Variants in SI observed in about 807,000 individuals in gnomAD.
SI encodes sucrase-isomaltase, intestinal.
A neutral mutation model predicts 253.3 loss-of-function variants in SI; 235 were observed. The ratio of observed to expected loss-of-function variants is 0.93; its 90% CI spans 0.83 to 1.03. The LOEUF (loss-of-function observed/expected upper bound fraction) is 1.03. Among genes scored for constraint, SI ranks in the 50% least tolerant of loss-of-function variants. SI has a pLI of 0.00. For missense variants in SI, 2,442 were observed against 2,211.1 expected (o/e 1.10, Z -2.09); for synonymous variants, 819 against 712.0 (o/e 1.15, Z -2.39).
intron 44 of SI, among the ~76,000 whole-genome samples, chr3:164,990,366 G>T (rs1291528649): frequency 6.6e-6 from 1 of 152,012 alleles, no homozygotes; most frequent in South Asian, 2.1e-4. Flanking sequence ...CAAAATATAA[G>T]ACATTAAGTT....
rs1454111510 is a variant in SI, at chr3:164,979,212, C to T, written c.*150G>A. On this transcript the variant is annotated 3_prime_UTR_variant, in exon 48 of 48. Transcript: ENST00000264382. ...ATTACTATAATAAAATTAGCATTAT[C>T]ATTGATGTACGCTACAAAATAACTT... 12 of 638,630 alleles carry T rather than the reference C, an allele frequency of 1.9e-5. No individual in the cohort carries two copies. Among genetic ancestry groups the T allele is most frequent in the Middle Eastern group, 3.2e-4 (1 of 3,164 alleles). The allele number at this position is 638,630 out of a possible 1,614,324, so 39.6% of individuals were successfully genotyped here.
At chr3:165,032,307 T>C (rs1461437852) in intron 24 of SI, among the ~76,000 whole-genome samples, 1 of 151,060 alleles carries the variant, frequency 6.6e-6, no homozygotes, top group East Asian at 1.9e-4. Flanking sequence ...TAGCAAGGAA[T>C]TCCCTTCATG....
At chr3:165,058,783 A>G (rs561391368) in intron 12 of SI, among the ~76,000 whole-genome samples, 180 bp downstream of exon 12, 1 of 151,796 alleles carries the variant, frequency 6.6e-6, no homozygotes, top group African/African-American at 2.4e-5. Context: ...ACTGTTTTAT[A>G]AATTCTTGGA....
At chr3:165,081,527 G>T (rs1051622302), upstream of SI, among the ~76,000 whole-genome samples, 3 of 151,928 alleles carry the variant, frequency 2.0e-5, no homozygotes, top group African/African-American at 7.2e-5. Context: ...TGCACCTTAG[G>T]TTAAAAGTTA....
chr3:165,083,240 C>T (rs138419654), upstream of SI, among the ~76,000 whole-genome samples: 1 of 151,744 alleles, frequency 6.6e-6, no homozygotes, highest in Non-Finnish European at 1.5e-5. Context: ...TGCTATTAAA[C>T]CCTTCATGTT....
Position 165,008,259 on chromosome 3 carries a change from A to G in SI, c.4180-261T>C, listed in dbSNP as rs1458464876. Among the ~76,000 whole-genome samples, 4 of 152,018 alleles carry G rather than the reference A, an allele frequency of 2.6e-5. No individual in the cohort carries two copies. In the East Asian group the frequency reaches 7.7e-4, roughly 29 times the overall value. ...ATACCCATAAAAATAGTTTATTTTC[A>G]TATCTTTAAGACATAGCATTATAAT... On this transcript the variant is annotated intron_variant, in intron 35 of 47. Coordinates refer to ENST00000264382, the MANE Select transcript of SI (RefSeq NM_001041.4).
At chr3:165,014,934 A>T (rs745679212) in intron 33 of SI, among the ~76,000 whole-genome samples, 189 bp downstream of exon 33, 1 of 152,140 alleles carries the variant, frequency 6.6e-6, no homozygotes, top group Non-Finnish European at 1.5e-5. Flanking sequence ...TGGACATGTG[A>T]CTTATATGAA....
In SI at chr3:165,018,423, G is replaced by T. The variant is rs1270251028; in HGVS notation, c.3424-357C>A. Among the ~76,000 whole-genome samples, 3 of 150,762 alleles carry T rather than the reference G, an allele frequency of 2.0e-5. No individual in the cohort carries two copies. In the Admixed American group the frequency reaches 2.0e-4, roughly 10 times the overall value. On this transcript the variant is annotated intron_variant, in intron 28 of 47. Coordinates refer to ENST00000264382, the MANE Select transcript of SI (RefSeq NM_001041.4). ...AGAGTAGTTTGGTTTATTTCCAAAG[G>T]TTATGTGTTTAACTTATCTATAAAT...
intron 45 of SI, among the ~76,000 whole-genome samples, chr3:164,983,399 T>C (rs540671102): frequency 2.6e-5 from 4 of 152,270 alleles, no homozygotes; most frequent in East Asian, 1.9e-4. Context: ...TCAGTGATGA[T>C]AGCAATCGAC....
In SI at chr3:165,006,260, C is replaced by T. The variant is rs146674646; in HGVS notation, c.4406+556G>A. 2.7e-3 allele frequency among the ~76,000 whole-genome samples: 408 copies of T among 152,214 alleles called. 2 individuals carry two copies. Among genetic ancestry groups the T allele is most frequent in the Non-Finnish European group, 4.8e-3 (325 of 68,030 alleles). ...AGTAACTGGGACCACAGCTCTGCAC[C>T]ACCACTCCTGGCTAATTTTTTGTAT... On this transcript the variant is annotated intron_variant, in intron 37 of 47. Transcript: ENST00000264382.
intron 31 of SI, among the ~76,000 whole-genome samples, 159 bp downstream of exon 31, chr3:165,017,389 A>C (rs1272898411): frequency 1.3e-5 from 2 of 151,996 alleles, no homozygotes; most frequent in Non-Finnish European, 2.9e-5. Context: ...CAGTCTGACA[A>C]AGACACTGTT....
intron 2 of SI, 91 bp from the exon 3 acceptor site, chr3:165,074,758 C>T: frequency 9.5e-7 from 1 of 1,049,894 alleles, no homozygotes; most frequent in Non-Finnish European, 1.4e-6. Flanking sequence ...TGAAAGAATA[C>T]ATGAATTCAT....
intron 47 of SI, among the ~76,000 whole-genome samples, chr3:164,981,374 C>T (rs1655031675): frequency 6.6e-6 from 1 of 152,164 alleles, no homozygotes; most frequent in Non-Finnish European, 1.5e-5. Flanking sequence ...CTGACATCCT[C>T]TGACACCTAC....
rs1382203256 is a variant in SI, at chr3:165,004,991, G to A, written c.4406+1825C>T. Among the ~76,000 whole-genome samples, 45 of 152,036 alleles carry A rather than the reference G, an allele frequency of 3.0e-4. 1 individual carries two copies. The highest frequency in any genetic ancestry group is 3.0e-3 in the Admixed American group (45 of 15,248). ...GAGTTAGTTCTCATGAGAGCTGATGGTTTTAAAGTATGGCAGTTCTCCCAT... is the reference window on the plus strand; with the variant it reads ...GAGTTAGTTCTCATGAGAGCTGATGATTTTAAAGTATGGCAGTTCTCCCAT... On this transcript the variant is annotated intron_variant, in intron 37 of 47. Transcript: ENST00000264382.
chr3:165,080,292 T>G (rs1347146751), upstream of SI, among the ~76,000 whole-genome samples: 1 of 152,046 alleles, frequency 6.6e-6, no homozygotes, highest in Non-Finnish European at 1.5e-5. Context: ...TCTTTCCAGC[T>G]TTCCACATCT....
intron 9 of SI, 78 bp from the exon 10 acceptor site, chr3:165,060,105 C>T (rs960589465): frequency 8.5e-7 from 1 of 1,169,688 alleles, no homozygotes; most frequent in Non-Finnish European, 1.3e-6. Context: ...TAATGTGCCT[C>T]TTATTTTCTT....
In SI at chr3:164,987,484, G is replaced by T. The variant is rs371465569; in HGVS notation, c.5109-258C>A. Among the ~76,000 whole-genome samples, 502 of 152,306 alleles carry T rather than the reference G, an allele frequency of 3.3e-3. 3 individuals carry two copies. Among genetic ancestry groups the T allele is most frequent in the African/African-American group, 0.012 (484 of 41,562 alleles). ...CCAGCACTTTGGGAGGCCAAGGCGG[G>T]TGGATCATGAGGTCAGGAGTTCGAG... On this transcript the variant is annotated intron_variant, in intron 44 of 47. Transcript: ENST00000264382.
Position 165,062,505 on chromosome 3 carries a change from C to T in SI, c.908-22G>A, listed in dbSNP as rs540824630. On this transcript the variant is annotated intron_variant, in intron 8 of 47. Coordinates refer to ENST00000264382, the MANE Select transcript of SI (RefSeq NM_001041.4). ...ATCTCTGCAAAATAAAATTGGTAAA[C>T]TTATATGTAAATAGTGAAAAGGATT... 4.9e-5 allele frequency: 59 copies of T among 1,208,326 alleles called. No individual in the cohort carries two copies. The East Asian group carries it at 1.3e-3, about 27-fold the overall frequency. 74.9% of individuals were successfully genotyped at this position (1,208,326 alleles called of 1,614,324 possible). A position where few individuals can be genotyped will look rare whatever the true frequency, so the allele number is the denominator to read the frequency against.
intron 34 of SI, among the ~76,000 whole-genome samples, chr3:165,012,520 C>T (rs1241120796): frequency 6.6e-6 from 1 of 152,126 alleles, no homozygotes; most frequent in Non-Finnish European, 1.5e-5. Context: ...GCTCCACCTC[C>T]TGGGTTAACA....
Sources: allele counts gnomAD v4.1 joint callset (sites outside exome capture counted in the v4.1 genomes callset), GRCh38; gene constraint gnomAD v4.1.1; transcripts MANE v1.5; gene names NCBI Gene and HGNC (gene_info 2026-07-23, HGNC 2026-07-21).